The following AK1 variants were observed in gnomAD, a reference collection of about 807,000 sequenced individuals.
AK1 encodes adenylate kinase isoenzyme 1.
A neutral mutation model predicts 23.9 loss-of-function variants in AK1; 13 were observed. The ratio of observed to expected loss-of-function variants is 0.54; its 90% CI spans 0.35 to 0.86. The LOEUF is 0.86. AK1 is among the 40% of genes least tolerant of loss of function. AK1 has a pLI of 0.01. For missense variants in AK1, 214 were observed against 255.1 expected (o/e 0.84, Z 1.10); for synonymous variants, 97 against 102.8 (o/e 0.94, Z 0.34).
intron 4 of AK1, among the ~76,000 whole-genome samples, chr9:127,872,489 G>C (rs743538): frequency 0.021 from 3,163 of 152,138 alleles, 117 homozygotes; most frequent in African/African-American, 0.07. Flanking sequence ...GAGAGAGTTG[G>C]GGGCAGGGCA....
chr9:127,869,359 G>A (rs1702843300), intron 5 of AK1: 1 of 153,564 alleles, frequency 6.5e-6, no homozygotes, highest in Non-Finnish European at 1.5e-5. Context: ...AAGGGTTTCT[G>A]CGCAGCTTTG....
At chr9:127,873,888 A>G in intron 2 of AK1, 1 of 985,336 alleles carries the variant, frequency 1.0e-6, no homozygotes, top group Non-Finnish European at 1.2e-6. Context: ...CCCCTTCCCC[A>G]GGGAGGAGGT....
chr9:127,873,687 A>C, intron 2 of AK1: 1 of 1,362,272 alleles, frequency 7.3e-7, no homozygotes, highest in Non-Finnish European at 9.4e-7. Flanking sequence ...GCAAGGCCAC[A>C]GCCCCACTGG....
intron 2 of AK1, chr9:127,874,370 G>A (rs947864838): frequency 8.9e-5 from 88 of 985,242 alleles, no homozygotes; most frequent in Admixed American, 8.6e-4. Context: ...CCCAGCATAG[G>A]GGGTGTGCGC....
chr9:127,870,821 GGC>G lies in AK1; in HGVS notation c.324+1000_324+1001del, dbSNP rs1829382453. Among the ~76,000 whole-genome samples the G allele has an allele frequency of 2.1e-5, 3 of 142,332 alleles. No individual in the cohort carries two copies. The East Asian group carries it at 6.0e-4, about 28-fold the overall frequency. 93.4% of individuals were successfully genotyped at this position (142,332 alleles called of 152,430 possible). The stretch of plus-strand genomic sequence containing the variant: ...CTACGGAGACGGGGCATGGGAATGG[GGC>G]ATGGGAATGGGGCATGGGGATGGGA... On this transcript the variant is annotated intron_variant, in intron 5 of 6. Coordinates refer to ENST00000644144, the MANE Select transcript of AK1 (RefSeq NM_000476.3).
At chr9:127,872,088 G>A (rs1047023404) in intron 4 of AK1, 149 bp from the exon 5 acceptor site, 2 of 701,066 alleles carry the variant, frequency 2.9e-6, no homozygotes, top group Admixed American at 4.1e-5. Flanking sequence ...AGCTTCCTCG[G>A]AATTGTGGAG....
chr9:127,876,837 C>T (rs913302776), intron 1 of AK1, among the ~76,000 whole-genome samples: 9 of 152,144 alleles, frequency 5.9e-5, no homozygotes, highest in African/African-American at 1.4e-4. Flanking sequence ...AAGGCCCCAG[C>T]GACTCCTAAT....
Position 127,872,835 on chromosome 9 carries a change from T to A in AK1, c.62A>T (p.Lys21Met). Residue 21 changes from lysine to methionine, a missense_variant, in exon 4 of 7, where the codon AAG (lysine) becomes ATG (methionine). Transcript: ENST00000644144. ...CACGATCTTCTCACACTGGGTGCCC[T>A]TCCCTGAGCCAGGCCCACCTGCAAA... is the stretch of plus-strand genomic sequence containing the variant. ...IFVVGGPGSG[K>M]GTQCEKIVQK... 1 of 1,613,998 alleles carries A rather than the reference T, an allele frequency of 6.2e-7. No individual in the cohort carries two copies. The highest frequency in any genetic ancestry group is 8.5e-7 in the Non-Finnish European group (1 of 1,179,992).
In AK1 at chr9:127,874,623, C is replaced by T. The variant is rs371166157; in HGVS notation, c.-6G>A. 3.6e-5 allele frequency: 58 copies of T among 1,613,730 alleles called. No individual in the cohort carries two copies. Among genetic ancestry groups the T allele is most frequent in the South Asian group, 1.3e-4 (12 of 91,050 alleles). On this transcript the variant is annotated 5_prime_UTR_variant, in exon 2 of 7. Coordinates refer to ENST00000644144, the MANE Select transcript of AK1 (RefSeq NM_000476.3). ...AGGAGGCTCATACCTTCCATCCTGC[C>T]GAGGTCCCGGGAGCCGTGTCAGTGC...
Position 127,868,601 on chromosome 9 carries a change from A to G in AK1, c.325-89T>C. The G allele has an allele frequency of 6.9e-7, 1 of 1,440,210 alleles. No individual in the cohort carries two copies. Among genetic ancestry groups the G allele is most frequent in the Non-Finnish European group, 9.5e-7 (1 of 1,056,416 alleles). 89.2% of individuals were successfully genotyped at this position (1,440,210 alleles called of 1,614,324 possible). A position where few individuals can be genotyped will look rare whatever the true frequency, so the allele number is the denominator to read the frequency against. On this transcript the variant is annotated intron_variant, in intron 5 of 6. Transcript: ENST00000644144. The surrounding 1 kb of genome is among the most constrained non-coding windows in gnomAD (Gnocchi z 4.1). ...CTTCCCATCTATGAAGCCCCAGTAG[A>G]TACCCCCTCAGACCTTCAATCCCTT...
rs921369629 is a variant in AK1, at chr9:127,867,747, G to C, written c.*261C>G. On this transcript the variant is annotated 3_prime_UTR_variant, in exon 7 of 7. Coordinates refer to ENST00000644144, the MANE Select transcript of AK1 (RefSeq NM_000476.3). ...TGGCAAAGGGAGGCTGAGGAGGAAC[G>C]GAGGGTTGAGGGGCTGGGGACTTGC... 2.1e-6 allele frequency: 1 copy of C among 472,064 alleles called. No individual in the cohort carries two copies. Among genetic ancestry groups the C allele is most frequent in the African/African-American group, 2.0e-5 (1 of 50,578 alleles). 29.2% of individuals were successfully genotyped at this position (472,064 alleles called of 1,614,324 possible).
chr9:127,868,428 C>T lies in AK1; in HGVS notation c.409G>A (p.Gly137Arg), dbSNP rs7032134. 41 of 1,611,710 alleles carry T rather than the reference C, an allele frequency of 2.5e-5. No individual in the cohort carries two copies. In the African/African-American group the frequency reaches 3.3e-4, roughly 13 times the overall value. ...GTCTCCTCATTGTCGTCCACACGCC[C>T]GCTGGTCTCTCCACGTTTCAAGAGC... ...QRLLKRGETS[G>R]RVDDNEETIK... The change falls in exon 6 of 7, where the codon GGG becomes AGG. Residue 137 changes from glycine (G) to arginine (R), a missense_variant. Gly to Arg is a moderately radical substitution (Grantham distance 125). Coordinates refer to ENST00000644144, the MANE Select transcript of AK1 (RefSeq NM_000476.3). This position sits in a 1 kb window ranked among gnomAD's most constrained non-coding sequence, Gnocchi z 4.1.
chr9:127,869,314 C>T (rs915278169), intron 5 of AK1: 5 of 152,946 alleles, frequency 3.3e-5, no homozygotes, highest in African/African-American at 4.8e-5. Flanking sequence ...CCTTCAAACC[C>T]TGTCTCCTGC....
At chr9:127,879,348 G>A (rs571968534), upstream of AK1, among the ~76,000 whole-genome samples, 4 of 152,190 alleles carry the variant, frequency 2.6e-5, no homozygotes, top group East Asian at 7.7e-4. Flanking sequence ...AAAAAGGCTG[G>A]GCGCGGTGGC....
upstream of AK1, chr9:127,878,388 G>A (rs1273372012): frequency 2.6e-5 from 4 of 152,282 alleles, no homozygotes; most frequent in African/African-American, 7.2e-5. Context: ...AGCACTCACT[G>A]TGCTAAGCAG....
At chr9:127,874,733 G>T in intron 1 of AK1, 84 bp from the exon 2 acceptor site, 1 of 1,358,616 alleles carries the variant, frequency 7.4e-7, no homozygotes, top group Non-Finnish European at 1.0e-6. Context: ...AAGGCAACTG[G>T]TGTGTGCCAG....
rs780530648 is a variant in AK1 at position 127,868,019 on chromosome 9, C to T, written c.574G>A (p.Ala192Thr). The part of the protein sequence containing the change: ...VFSQVCTHLD[A>T]LK ...CGGCTCCAGCGTTGCTACTTTAGGG[C>T]GTCCAGGTGGGTGCAGACCTGGGAG... The change falls in exon 7 of 7, where the codon GCC becomes ACC. Residue 192 changes from alanine (A) to threonine (T), a missense_variant. By Grantham distance (58) the Ala-to-Thr change is moderately conservative. Coordinates refer to ENST00000644144, the MANE Select transcript of AK1 (RefSeq NM_000476.3). This position sits in a 1 kb window ranked among gnomAD's most constrained non-coding sequence, Gnocchi z 4.1. 1.2e-5 allele frequency: 20 copies of T among 1,614,002 alleles called. No individual in the cohort carries two copies. Among genetic ancestry groups the T allele is most frequent in the East Asian group, 2.2e-5 (1 of 44,884 alleles).
In AK1 at chr9:127,871,984, C is replaced by T. The variant is rs1438135887; in HGVS notation, c.208-45G>A. On this transcript the variant is annotated intron_variant, in intron 4 of 6. Transcript: ENST00000644144. This position sits in a 1 kb window ranked among gnomAD's most constrained non-coding sequence, Gnocchi z 4.4. The stretch of plus-strand genomic sequence containing the variant: ...GAAGGGGCCATGAGCCTCTCCTCCC[C>T]ATCCCTTCTCCCAGCCTCTGCTCAC... 8 of 1,505,610 alleles carry T rather than the reference C, an allele frequency of 5.3e-6. No homozygotes were observed. The highest frequency in any genetic ancestry group is 1.7e-4 in the Middle Eastern group (1 of 5,830). 93.3% of individuals were successfully genotyped at this position (1,505,610 alleles called of 1,614,324 possible).
chr9:127,872,814 A>T lies in AK1; in HGVS notation c.83T>A (p.Ile28Asn). Residue 28 changes from isoleucine (I) to asparagine (N), a missense_variant, in exon 4 of 7, where the codon ATC becomes AAC. Coordinates refer to ENST00000644144, the MANE Select transcript of AK1 (RefSeq NM_000476.3). The part of the protein sequence containing the change: ...GSGKGTQCEK[I>N]VQKYGYTHLS... The stretch of plus-strand genomic sequence containing the variant: ...GTGGGTGTAGCCATACTTCTGCACG[A>T]TCTTCTCACACTGGGTGCCCTTCCC... 1 of 1,613,972 alleles carries T rather than the reference A, an allele frequency of 6.2e-7. No individual in the cohort carries two copies. Among genetic ancestry groups the T allele is most frequent in the South Asian group, 1.1e-5 (1 of 91,070 alleles).
Sources: gnomAD v4.1 joint callset for allele counts (sites outside exome capture counted in the v4.1 genomes callset) on GRCh38, gnomAD v4.1.1 for gene constraint, Gnocchi (gnomAD v3.1) non-coding constraint, MANE v1.5 for transcripts, NCBI Gene and HGNC (gene_info 2026-07-23, HGNC 2026-07-21) for gene names.